The following KIAA1549L variants were observed in gnomAD, a reference collection of about 807,000 sequenced individuals.
KIAA1549L encodes the protein KIAA1549 like.
KIAA1549L carries 88 observed loss-of-function variants against 160.7 expected under a neutral mutation model. That is an observed-to-expected ratio of 0.55 (90% CI 0.46 to 0.65). KIAA1549L has a LOEUF of 0.65. Ranked by LOEUF, KIAA1549L falls within the 30% of genes least tolerant of loss-of-function variation. The pLI, the probability that KIAA1549L is intolerant of heterozygous loss-of-function variation, is 0.00. For synonymous variants in KIAA1549L, 950 were observed against 976.7 expected (o/e 0.97, Z 0.51); for missense variants, 2,258 against 2,437.5 (o/e 0.93, Z 1.55).
intron 1 of KIAA1549L, among the ~76,000 whole-genome samples, chr11:33,433,322 G>C (rs990389857): frequency 6.6e-6 from 1 of 152,124 alleles, no homozygotes; most frequent in Admixed American, 6.5e-5. Flanking sequence ...ACATTTACAT[G>C]GCCAACAAAT....
chr11:33,620,431 T>A (rs1850927525), intron 16 of KIAA1549L, among the ~76,000 whole-genome samples: 1 of 152,250 alleles, frequency 6.6e-6, no homozygotes, highest in Non-Finnish European at 1.5e-5. Context: ...GACTATTGAC[T>A]GTAAGAATGA....
At position 33,668,824 on chromosome 11, in the gene KIAA1549L, G is replaced by A. The variant is rs1852575283; in HGVS notation, c.*670G>A. 6.6e-6 allele frequency: 1 copy of A among 152,172 alleles called. No homozygotes were observed. Among genetic ancestry groups the A allele is most frequent in the African/African-American group, 2.4e-5 (1 of 41,428 alleles). 9.4% of individuals were successfully genotyped at this position (152,172 alleles called of 1,614,324 possible). ...AAGAGAGAAGATGAGAGGGAATGGTGGATTTGCGTTGACAGATTTTTTAAA... is the reference window on the plus strand; with the variant it reads ...AAGAGAGAAGATGAGAGGGAATGGTAGATTTGCGTTGACAGATTTTTTAAA... On this transcript the variant is annotated 3_prime_UTR_variant, in exon 21 of 21. Coordinates refer to ENST00000658780, the MANE Select transcript of KIAA1549L (RefSeq NM_012194.3).
intron 1 of KIAA1549L, among the ~76,000 whole-genome samples, chr11:33,521,632 G>A (rs1266098776): frequency 2.0e-5 from 3 of 152,188 alleles, no homozygotes; most frequent in Non-Finnish European, 2.9e-5. Flanking sequence ...TGTCTTTCTG[G>A]TAGTGGCAGA....
At chr11:33,548,118 T>C (rs561902454) in intron 4 of KIAA1549L, among the ~76,000 whole-genome samples, 55 of 152,166 alleles carry the variant, frequency 3.6e-4, no homozygotes, top group Non-Finnish European at 7.5e-4. Flanking sequence ...TTGGATATAT[T>C]GGCCAGGTGG....
intron 1 of KIAA1549L, among the ~76,000 whole-genome samples, chr11:33,508,920 G>A (rs1217608023): frequency 6.6e-6 from 1 of 152,188 alleles, no homozygotes; most frequent in Non-Finnish European, 1.5e-5. Flanking sequence ...GACGGCTGGG[G>A]CATATGGGCC....
intron 16 of KIAA1549L, among the ~76,000 whole-genome samples, chr11:33,641,935 A>C (rs1229282747): frequency 6.6e-6 from 1 of 152,072 alleles, no homozygotes; most frequent in Non-Finnish European, 1.5e-5. Context: ...TCACTATCTT[A>C]TTAAGTATTG....
intron 1 of KIAA1549L, among the ~76,000 whole-genome samples, chr11:33,531,373 G>C (rs1200238169): frequency 6.6e-6 from 1 of 152,164 alleles, no homozygotes; most frequent in Non-Finnish European, 1.5e-5. Flanking sequence ...TACTTGGGAG[G>C]CTGAGGCAGG....
At chr11:33,653,767 T>C (rs1305784701) in intron 17 of KIAA1549L, among the ~76,000 whole-genome samples, 1 of 152,108 alleles carries the variant, frequency 6.6e-6, no homozygotes, top group Non-Finnish European at 1.5e-5. Context: ...TCTTTTATAT[T>C]TTCTATCTTC....
intron 1 of KIAA1549L, among the ~76,000 whole-genome samples, chr11:33,506,537 G>A (rs1853093831): frequency 6.6e-6 from 1 of 152,016 alleles, no homozygotes; most frequent in South Asian, 2.1e-4. Flanking sequence ...ACCAGCCTGG[G>A]CAACATAGCG....
At chr11:33,592,933 CATACTT>C (rs1485364588) in intron 12 of KIAA1549L, among the ~76,000 whole-genome samples, 3 of 152,156 alleles carry the variant, frequency 2.0e-5, no homozygotes, top group Admixed American at 1.3e-4. Context: ...AACTTCTTGA[CATACTT>C]AAAGAAAAGC....
chr11:33,588,521 C>G (rs781767863), intron 11 of KIAA1549L, among the ~76,000 whole-genome samples: 1 of 152,094 alleles, frequency 6.6e-6, no homozygotes, highest in Non-Finnish European at 1.5e-5. Context: ...TTGGAAGCAA[C>G]GAGACCGAGG....
chr11:33,542,546 T>C lies in KIAA1549L; in HGVS notation c.983T>C (p.Leu328Pro). Residue 328 changes from leucine (L) to proline (P), a missense_variant, in exon 2 of 21, where the codon CTG becomes CCG. Physicochemically the swap from Leu to Pro is moderately conservative, Grantham distance 98 (BLOSUM62 -3). Around this residue, in one of 6 missense-constraint regions of KIAA1549L, gnomAD observed 540 missense variants for 465.7 expected, o/e 1.16. Transcript: ENST00000658780. Reference sequence around the variant, plus strand: ...TCCTCAACAAAATGGCATTCCGAGCTGTCCCCAACAGAGGGTCCCCATTCA... The same window carrying C: ...TCCTCAACAAAATGGCATTCCGAGCCGTCCCCAACAGAGGGTCCCCATTCA... ...SGSSTKWHSE[L>P]SPTEGPHSAG... 1.9e-6 allele frequency: 3 copies of C among 1,614,012 alleles called. No homozygotes were observed. The highest frequency in any genetic ancestry group is 2.5e-6 in the Non-Finnish European group (3 of 1,179,852).
At chr11:33,431,192 A>T (rs1386799207) in intron 1 of KIAA1549L, among the ~76,000 whole-genome samples, 1 of 152,174 alleles carries the variant, frequency 6.6e-6, no homozygotes. Flanking sequence ...GTTACAGCTC[A>T]TAAAAGCAGT....
At chr11:33,590,967 G>A (rs1554996121) in intron 11 of KIAA1549L, among the ~76,000 whole-genome samples, 1 of 152,122 alleles carries the variant, frequency 6.6e-6, no homozygotes, top group Non-Finnish European at 1.5e-5. Flanking sequence ...CTTTGAAAGA[G>A]GTTTGATCTT....
At chr11:33,666,012 C>T (rs1415731003) in intron 20 of KIAA1549L, among the ~76,000 whole-genome samples, 4 of 152,164 alleles carry the variant, frequency 2.6e-5, no homozygotes, top group East Asian at 1.9e-4. Flanking sequence ...CTGCCTGCTC[C>T]GTGGAGGGGG....
intron 1 of KIAA1549L, among the ~76,000 whole-genome samples, chr11:33,405,485 A>G (rs1850625739): frequency 6.7e-6 from 1 of 149,916 alleles, no homozygotes; most frequent in African/African-American, 2.5e-5. Context: ...TCCTCTAGTA[A>G]TGTCTTTTAT....
At chr11:33,548,244 C>G (rs1854331554) in intron 4 of KIAA1549L, among the ~76,000 whole-genome samples, 1 of 152,040 alleles carries the variant, frequency 6.6e-6, no homozygotes, top group South Asian at 2.1e-4. Context: ...ACTAAAAATA[C>G]AAAAATTAGC....
At chr11:33,649,377 T>TGTAGTC (rs1851817101) in intron 17 of KIAA1549L, among the ~76,000 whole-genome samples, 1 of 149,220 alleles carries the variant, frequency 6.7e-6, no homozygotes, top group African/African-American at 2.5e-5. Flanking sequence ...TGGCTGGGCC[T>TGTAGTC]GTAGTCCTAG....
In KIAA1549L at chr11:33,526,263, A is replaced by G. The variant is rs1462795573; in HGVS notation, c.239-15539A>G. On this transcript the variant is annotated intron_variant, in intron 1 of 20. Coordinates refer to ENST00000658780, the MANE Select transcript of KIAA1549L (RefSeq NM_012194.3). The stretch of plus-strand genomic sequence containing the variant: ...ATAACAGAACAACCCTGCTCCAAAG[A>G]AGGAGAAAACAACAGCTAATTCTAC... Among the ~76,000 whole-genome samples the G allele has an allele frequency of 3.3e-5, 5 of 152,322 alleles. No homozygotes were observed. The East Asian group carries it at 9.6e-4, about 29-fold the overall frequency.
Sources: gnomAD v4.1 joint callset for allele counts (sites outside exome capture counted in the v4.1 genomes callset) on GRCh38, gnomAD v4.1.1 for gene constraint, gnomAD v4.1.1 regional missense constraint, MANE v1.5 for transcripts, NCBI Gene and HGNC (gene_info 2026-07-23, HGNC 2026-07-21) for gene names.